Variants in LPAR6 observed in about 807,000 individuals in gnomAD.
LPAR6 encodes lysophosphatidic acid receptor 6.
A neutral mutation model predicts 22.0 loss-of-function variants in LPAR6; 17 were observed. That is an observed-to-expected ratio of 0.77 (90% CI 0.53 to 1.16). The LOEUF is 1.16. Ranked by LOEUF, LPAR6 falls within the 50% of genes most tolerant of loss-of-function variation. The pLI is 0.00. For synonymous variants in LPAR6, 136 were observed against 139.8 expected, an observed-to-expected ratio of 0.97 and a Z score of 0.19; for missense variants, 384 against 406.9, an observed-to-expected ratio of 0.94 and a Z score of 0.48.
chr13:48,434,465 C>T (rs1016401664), intron 1 of LPAR6, among the ~76,000 whole-genome samples: 3 of 152,052 alleles, frequency 2.0e-5, no homozygotes, highest in Middle Eastern at 3.2e-3. Context: ...GCCTAAGACT[C>T]CTAAGATTCC....
downstream of LPAR6, among the ~76,000 whole-genome samples, chr13:48,407,562 G>A (rs2138190431): frequency 6.6e-6 from 1 of 152,298 alleles, no homozygotes; most frequent in Non-Finnish European, 1.5e-5. Context: ...AGAGATTTTA[G>A]GAGTTATGTA....
upstream of LPAR6, chr13:48,429,619 G>T (rs115095169): frequency 6.6e-6 from 1 of 151,406 alleles, no homozygotes; most frequent in Admixed American, 6.6e-5. Flanking sequence ...TTGACCTTAC[G>T]TAAAGAGATT....
chr13:48,416,808 C>T (rs1948918873), upstream of LPAR6, among the ~76,000 whole-genome samples: 1 of 152,180 alleles, frequency 6.6e-6, no homozygotes, highest in Admixed American at 6.5e-5. Flanking sequence ...ACAGTGTAAG[C>T]AAAGCCACCG....
At chr13:48,389,847 T>C (rs1413515372) in intron 1 of LPAR6, 1 of 152,200 alleles carries the variant, frequency 6.6e-6, no homozygotes, top group Non-Finnish European at 1.5e-5. Flanking sequence ...ATAGTGAAAG[T>C]AGAGGTTTTA....
upstream of LPAR6, among the ~76,000 whole-genome samples, chr13:48,417,938 C>G (rs747273222): frequency 6.6e-6 from 1 of 152,158 alleles, no homozygotes; most frequent in Non-Finnish European, 1.5e-5. Context: ...GAGAATTGAA[C>G]CAAGTTGGAA....
intron 1 of LPAR6, among the ~76,000 whole-genome samples, chr13:48,432,279 T>C (rs950333302): frequency 1.3e-5 from 2 of 152,120 alleles, no homozygotes; most frequent in Non-Finnish European, 2.9e-5. Flanking sequence ...CTCCCAGAAA[T>C]TCACTCACCA....
chr13:48,410,420 G>A (rs1823205902), downstream of LPAR6, among the ~76,000 whole-genome samples: 1 of 152,154 alleles, frequency 6.6e-6, no homozygotes, highest in South Asian at 2.1e-4. Context: ...CTAGAGTTGT[G>A]TAAGTACACA....
At chr13:48,407,409 A>G (rs1407199466), downstream of LPAR6, among the ~76,000 whole-genome samples, 1 of 152,210 alleles carries the variant, frequency 6.6e-6, no homozygotes, top group African/African-American at 2.4e-5. Context: ...GTAATAAAAA[A>G]GAGAGAGAAG....
At chr13:48,434,876 G>A (rs1429454443) in intron 1 of LPAR6, among the ~76,000 whole-genome samples, 2 of 152,086 alleles carry the variant, frequency 1.3e-5, no homozygotes, top group African/African-American at 4.8e-5. Flanking sequence ...ATCCATTCAC[G>A]ATATTGCATG....
At chr13:48,395,663 G>T (rs1203175463) in intron 1 of LPAR6, among the ~76,000 whole-genome samples, 1 of 152,010 alleles carries the variant, frequency 6.6e-6, no homozygotes, top group Non-Finnish European at 1.5e-5. Flanking sequence ...GAAATAAAGC[G>T]TGATGACAAG....
downstream of LPAR6, among the ~76,000 whole-genome samples, chr13:48,406,947 T>G (rs1173004503): frequency 6.6e-6 from 1 of 152,200 alleles, no homozygotes; most frequent in Non-Finnish European, 1.5e-5. Context: ...ATTAATTTGT[T>G]ATGTGACATT....
exon 1 of LPAR6, chr13:48,444,666 C>A (rs1240687945): frequency 6.6e-6 from 1 of 152,280 alleles, no homozygotes; most frequent in Non-Finnish European, 1.5e-5. Context: ...CCTCCAGAAA[C>A]CTCCATGTGT....
chr13:48,390,464 G>C (rs1948602052), intron 1 of LPAR6, among the ~76,000 whole-genome samples: 1 of 152,140 alleles, frequency 6.6e-6, no homozygotes, highest in African/African-American at 2.4e-5. Context: ...ATGTAGCAAG[G>C]AGGAATGTGA....
chr13:48,418,092 G>A (rs1041139093), upstream of LPAR6, among the ~76,000 whole-genome samples: 3 of 152,078 alleles, frequency 2.0e-5, no homozygotes, highest in Non-Finnish European at 2.9e-5. Flanking sequence ...GATTCACCAA[G>A]GTTGAAATGA....
In LPAR6 at chr13:48,412,539, T is replaced by C; in HGVS notation, c.-116A>G. ...TTTATTTGCAAATTATCTGGATCTT[T>C]GGATGGTTTTATAAATATTTCCTTT... On this transcript the variant is annotated 5_prime_UTR_variant, in exon 1 of 1. Transcript: ENST00000620633. 2.6e-6 allele frequency: 2 copies of C among 758,600 alleles called. No individual in the cohort carries two copies. Among genetic ancestry groups the C allele is most frequent in the East Asian group, 2.5e-5 (1 of 39,272 alleles). 47.0% of individuals were successfully genotyped at this position (758,600 alleles called of 1,614,324 possible).
chr13:48,396,806 C>CA (rs981960812), intron 1 of LPAR6, among the ~76,000 whole-genome samples: 3 of 152,080 alleles, frequency 2.0e-5, no homozygotes, highest in African/African-American at 7.2e-5. Flanking sequence ...TACAGGAAAA[C>CA]AAACAACCCT....
At chr13:48,396,897 C>G (rs1039815595) in intron 1 of LPAR6, among the ~76,000 whole-genome samples, 1 of 152,160 alleles carries the variant, frequency 6.6e-6, no homozygotes, top group Non-Finnish European at 1.5e-5. Flanking sequence ...TGAAAAAAAG[C>G]TCATCACCAC....
chr13:48,415,795 A>G (rs1050972791), upstream of LPAR6: 1 of 152,208 alleles, frequency 6.6e-6, no homozygotes, highest in African/African-American at 2.4e-5. Flanking sequence ...ACTGAGGAAG[A>G]GCCATAGCAG....
At chr13:48,431,109 A>C (rs1593510347), upstream of LPAR6, among the ~76,000 whole-genome samples, 1 of 148,710 alleles carries the variant, frequency 6.7e-6, no homozygotes, top group East Asian at 2.0e-4. Flanking sequence ...TTAAATGACA[A>C]ATTATGGAAA....
Sources: gnomAD v4.1 joint callset for allele counts (sites outside exome capture counted in the v4.1 genomes callset) on GRCh38, gnomAD v4.1.1 for gene constraint, MANE v1.5 for transcripts, NCBI Gene and HGNC (gene_info 2026-07-23, HGNC 2026-07-21) for gene names.